DRC11: variants seen among roughly 807,000 people sequenced by gnomAD.
DRC11 encodes dynein regulatory complex subunit 11, also known as IQ and AAA domain-containing protein 1.
chr2:236,493,107 G>A, the DRC11 span, among the ~76,000 whole-genome samples: 2 of 152,200 alleles, frequency 1.3e-5, no homozygotes, highest in African/African-American at 4.8e-5. Flanking sequence ...TCACAATCAT[G>A]GCAGAAGGTG....
At chr2:236,460,809 C>T in the DRC11 span, among the ~76,000 whole-genome samples, 1 of 152,128 alleles carries the variant, frequency 6.6e-6, no homozygotes, top group Non-Finnish European at 1.5e-5. This position sits in a 1 kb window ranked among gnomAD's most constrained non-coding sequence, Gnocchi z 4.0. Flanking sequence ...GGAGGGAATA[C>T]AGTGGTGAAT....
At chr2:236,455,883 GT>G in the DRC11 span, among the ~76,000 whole-genome samples, 135 of 151,614 alleles carry the variant, frequency 8.9e-4, 4 homozygotes, top group South Asian at 0.028. The surrounding 1 kb of genome is among the most constrained non-coding windows in gnomAD (Gnocchi z 5.7). Flanking sequence ...ATTGCGTGCT[GT>G]TTTTTTTTAA....
chr2:236,497,820 T>C, the DRC11 span, among the ~76,000 whole-genome samples: 7 of 152,220 alleles, frequency 4.6e-5, no homozygotes, highest in Non-Finnish European at 1.0e-4. This position sits in a 1 kb window ranked among gnomAD's most constrained non-coding sequence, Gnocchi z 5.1. Flanking sequence ...AGTTAACTTA[T>C]TTGTCCATAT....
At chr2:236,337,371 A>G in the DRC11 span, among the ~76,000 whole-genome samples, 5 of 151,544 alleles carry the variant, frequency 3.3e-5, no homozygotes, top group Non-Finnish European at 4.4e-5. The surrounding 1 kb of genome is among the most constrained non-coding windows in gnomAD (Gnocchi z 4.9). Context: ...TGCCCAGCCC[A>G]CACCACCTTC....
chr2:236,405,876 A>G, the DRC11 span, among the ~76,000 whole-genome samples: 5 of 152,196 alleles, frequency 3.3e-5, no homozygotes, highest in African/African-American at 1.2e-4. The surrounding 1 kb of genome is among the most constrained non-coding windows in gnomAD (Gnocchi z 4.6). Flanking sequence ...ATGGTGTAAG[A>G]CTTCATTCAC....
At chr2:236,443,337 G>A in the DRC11 span, among the ~76,000 whole-genome samples, 1 of 151,768 alleles carries the variant, frequency 6.6e-6, no homozygotes, top group African/African-American at 2.4e-5. The surrounding 1 kb of genome is among the most constrained non-coding windows in gnomAD (Gnocchi z 4.4). Flanking sequence ...CTCCCTCCCC[G>A]CAACACCCCT....
the DRC11 span, among the ~76,000 whole-genome samples, chr2:236,354,286 TGTTA>T: frequency 3.5e-5 from 2 of 57,754 alleles, no homozygotes. Context: ...TATGAGTTTA[TGTTA>T]GTGTGTACAT....
At chr2:236,332,030 A>T in the DRC11 span, 1 of 162,374 alleles carries the variant, frequency 6.2e-6, no homozygotes, top group Non-Finnish European at 1.4e-5. The surrounding 1 kb of genome is among the most constrained non-coding windows in gnomAD (Gnocchi z 5.1). Context: ...TTAATTTCTC[A>T]CATTATTTTT....
the DRC11 span, among the ~76,000 whole-genome samples, chr2:236,342,083 C>T: frequency 3.3e-5 from 5 of 152,072 alleles, no homozygotes; most frequent in African/African-American, 9.7e-5. The surrounding 1 kb of genome is among the most constrained non-coding windows in gnomAD (Gnocchi z 5.8). Flanking sequence ...CCTCTTATTG[C>T]GGGAGGGGCC....
chr2:236,387,059 C>T, the DRC11 span, among the ~76,000 whole-genome samples: 68,445 of 151,548 alleles, frequency 0.45, 15,928 homozygotes, highest in African/African-American at 0.5. Context: ...CTTTTATGTT[C>T]GCTGAGGAGA....
the DRC11 span, among the ~76,000 whole-genome samples, chr2:236,388,617 G>T: frequency 6.8e-6 from 1 of 146,312 alleles, no homozygotes; most frequent in Admixed American, 6.9e-5. Flanking sequence ...ATGTCCTCCC[G>T]TAGCTCAGAG....
chr2:236,423,579 A>G, the DRC11 span, among the ~76,000 whole-genome samples: 1 of 152,228 alleles, frequency 6.6e-6, no homozygotes, highest in Non-Finnish European at 1.5e-5. Context: ...GTGGAGAAAT[A>G]GGAACACTTT....
At chr2:236,370,843 T>G in the DRC11 span, among the ~76,000 whole-genome samples, 1 of 151,674 alleles carries the variant, frequency 6.6e-6, no homozygotes, top group South Asian at 2.1e-4. The surrounding 1 kb of genome is among the most constrained non-coding windows in gnomAD (Gnocchi z 5.5). Context: ...GGGCTGGGCC[T>G]GGAGGAAGGT....
At chr2:236,376,039 A>G in the DRC11 span, among the ~76,000 whole-genome samples, 3 of 152,338 alleles carry the variant, frequency 2.0e-5, no homozygotes, top group African/African-American at 7.2e-5. The surrounding 1 kb of genome is among the most constrained non-coding windows in gnomAD (Gnocchi z 5.7). Context: ...TACAGTGGAG[A>G]AATCCCGGGA....
chr2:236,477,880 A>G, the DRC11 span, among the ~76,000 whole-genome samples: 1 of 151,976 alleles, frequency 6.6e-6, no homozygotes, highest in African/African-American at 2.4e-5. Context: ...ATCGTTGTTA[A>G]GTCTCCTCTT....
the DRC11 span, chr2:236,493,727 C>A: frequency 6.7e-7 from 1 of 1,498,656 alleles, no homozygotes; most frequent in Non-Finnish European, 9.0e-7. Flanking sequence ...AAGGAAGTTA[C>A]ACAGATTATG....
chr2:236,448,440 ATTCTCCTGCCTCAGCCTC>A, the DRC11 span, among the ~76,000 whole-genome samples: 1 of 151,700 alleles, frequency 6.6e-6, no homozygotes, highest in Non-Finnish European at 1.5e-5. This position sits in a 1 kb window ranked among gnomAD's most constrained non-coding sequence, Gnocchi z 5.3. Context: ...TGCAGAGGCG[ATTCTCCTGCCTCAGCCTC>A]CTGAGTAGCT....
At chr2:236,392,190 C>T in the DRC11 span, 1 of 1,478,430 alleles carries the variant, frequency 6.8e-7, no homozygotes, top group Admixed American at 1.7e-5. This position sits in a 1 kb window ranked among gnomAD's most constrained non-coding sequence, Gnocchi z 5.1. Context: ...TGTAAAGAAG[C>T]ACAATGGTTG....
chr2:236,308,236 G>T, the DRC11 span, among the ~76,000 whole-genome samples: 2 of 152,242 alleles, frequency 1.3e-5, no homozygotes, highest in African/African-American at 4.8e-5. This position sits in a 1 kb window ranked among gnomAD's most constrained non-coding sequence, Gnocchi z 6.0. Context: ...TCTCAGTGTG[G>T]AACACACCTG....
Sources: allele counts gnomAD v4.1 joint callset (sites outside exome capture counted in the v4.1 genomes callset), GRCh38; gene constraint gnomAD v4.1.1; non-coding constraint Gnocchi (gnomAD v3.1); transcripts MANE v1.5; gene names NCBI Gene and HGNC (gene_info 2026-07-23, HGNC 2026-07-21).